Variants in GATA6 observed in about 807,000 individuals in gnomAD.
GATA6 encodes the protein GATA binding protein 6.
A neutral mutation model predicts 48.1 loss-of-function variants in GATA6; 11 were observed. The observed-to-expected ratio is 0.23, with a 90% CI of 0.14 to 0.38. The LOEUF (loss-of-function observed/expected upper bound fraction) is 0.38. Ranked by LOEUF, GATA6 falls within the 10% of genes least tolerant of loss-of-function variation. The pLI is 1.00. For missense variants in GATA6, 795 were observed against 850.3 expected (o/e 0.93, Z 0.81); for synonymous variants, 419 against 396.1 (o/e 1.06, Z -0.69).
In GATA6 at chr18:22,185,775, G is replaced by C. The variant is rs963363292; in HGVS notation, c.1620+2732G>C. Among the ~76,000 whole-genome samples, 49 of 152,314 alleles carry C rather than the reference G, an allele frequency of 3.2e-4. No individual in the cohort carries two copies. Among genetic ancestry groups the C allele is most frequent in the African/African-American group, 1.1e-3 (46 of 41,582 alleles). ...TGTCCCCAGGTTGTTTTCATGGCGT[G>C]CCTGCGTATAACTGTGGATCCCTTC... On this transcript the variant is annotated intron_variant, in intron 6 of 6. Coordinates refer to ENST00000269216, the MANE Select transcript of GATA6 (RefSeq NM_005257.6). This position sits in a 1 kb window ranked among gnomAD's most constrained non-coding sequence, Gnocchi z 4.3.
intron 6 of GATA6, among the ~76,000 whole-genome samples, chr18:22,188,733 C>T (rs1005425519): frequency 6.6e-6 from 1 of 152,154 alleles, no homozygotes; most frequent in African/African-American, 2.4e-5. Flanking sequence ...CATGCTCCTG[C>T]TTGTCAAGTT....
chr18:22,176,758 T>C (rs749765226), intron 2 of GATA6, 197 bp from the exon 3 acceptor site: 8 of 606,898 alleles, frequency 1.3e-5, no homozygotes, highest in Non-Finnish European at 2.2e-5. Context: ...GCAGAAGTAT[T>C]GGACAAATGG....
intron 6 of GATA6, among the ~76,000 whole-genome samples, chr18:22,195,340 CCTCGACT>C (rs2033377447): frequency 6.6e-6 from 1 of 152,128 alleles, no homozygotes; most frequent in Non-Finnish European, 1.5e-5. Context: ...CCTGTTAGTG[CCTCGACT>C]CTGGTTCCCT....
At chr18:22,199,930 AATC>A (rs2033436305) in intron 6 of GATA6, among the ~76,000 whole-genome samples, 2 of 151,732 alleles carry the variant, frequency 1.3e-5, no homozygotes, top group Admixed American at 1.3e-4. Context: ...AAAAGAAAGA[AATC>A]ATTGCCATGA....
At position 22,175,043 on chromosome 18, in the gene GATA6, C is replaced by T. The variant is rs1012428604; in HGVS notation, c.1136-1912C>T. 9.2e-5 allele frequency among the ~76,000 whole-genome samples: 14 copies of T among 152,192 alleles called. 1 individual carries two copies. The highest frequency in any genetic ancestry group is 6.2e-4 in the South Asian group (3 of 4,810). ...CTGAATCTATCACTCCCCAAGGGCA[C>T]CGCAAACAGCCATGTTAGGAGAGAA... On this transcript the variant is annotated intron_variant, in intron 2 of 6. Transcript: ENST00000269216.
intron 3 of GATA6, among the ~76,000 whole-genome samples, chr18:22,178,246 T>C (rs1392309593): frequency 6.6e-6 from 1 of 152,162 alleles, no homozygotes; most frequent in Non-Finnish European, 1.5e-5. Context: ...ATTACAGGCG[T>C]GAGCCACCGC....
Position 22,171,292 on chromosome 18 carries a change from G to T in GATA6, c.148G>T (p.Gly50Ter), listed in dbSNP as rs746782842. The T allele has an allele frequency of 6.3e-7, 1 of 1,593,366 alleles. No homozygotes were observed. Among genetic ancestry groups the T allele is most frequent in the South Asian group, 1.1e-5 (1 of 90,700 alleles). The change falls in exon 2 of 7, where the codon GGA becomes TGA. Residue 50 changes from glycine (G) to a stop codon, truncating the protein, a stop_gained. Transcript: ENST00000269216. LOFTEE classifies it high-confidence loss of function. The surrounding 1 kb of genome is among the most constrained non-coding windows in gnomAD (Gnocchi z 7.1). ...CTCGTCCTCCTCCTGCTCCCGGGGC[G>T]GAGAGCGGGGCCCCGGCGGCGCCAG... ...SSSSSSCSRG[G>*]ERGPGGASNC...
intron 6 of GATA6, among the ~76,000 whole-genome samples, chr18:22,186,479 C>G (rs543694365): frequency 1.3e-5 from 2 of 152,200 alleles, no homozygotes; most frequent in African/African-American, 4.8e-5. Flanking sequence ...TCCCAGCAGG[C>G]TTATTGTAAG....
intron 3 of GATA6, among the ~76,000 whole-genome samples, chr18:22,180,705 C>T (rs545668901): frequency 1.9e-4 from 28 of 150,934 alleles, no homozygotes; most frequent in Non-Finnish European, 3.7e-4. Context: ...AAACTTTTAC[C>T]CCTCTTCTGA....
chr18:22,179,207 A>G (rs973175970), intron 3 of GATA6, among the ~76,000 whole-genome samples: 12 of 152,226 alleles, frequency 7.9e-5, no homozygotes, highest in African/African-American at 2.9e-4. Context: ...GTCACTATCA[A>G]TTAGGTCTCC....
rs764615856 is a variant in GATA6, at chr18:22,171,269, C to A, written c.125C>A (p.Ser42Ter). Reference protein sequence around the residue: ...PSTPPSPISSSSSSCSRGGER... With the variant: ...PSTPPSPISS ...ACGCCGCCTTCCCCCATCTCTTCCT[C>A]GTCCTCCTCCTGCTCCCGGGGCGGA... The change falls in exon 2 of 7, where the codon TCG becomes TAG. Residue 42 changes from serine (S) to a stop codon, truncating the protein, a stop_gained. Coordinates refer to ENST00000269216, the MANE Select transcript of GATA6 (RefSeq NM_005257.6). LOFTEE classifies it high-confidence loss of function. The surrounding 1 kb of genome is among the most constrained non-coding windows in gnomAD (Gnocchi z 7.1). The A allele has an allele frequency of 6.3e-7, 1 of 1,596,728 alleles. No homozygotes were observed. Among genetic ancestry groups the A allele is most frequent in the Non-Finnish European group, 8.5e-7 (1 of 1,177,808 alleles).
rs1362278238 is a variant in GATA6 at position 22,177,133 on chromosome 18, C to T, written c.1302+12C>T. ...CGCAGAAGCGCGTGGTGAGTGTGAC[C>T]CGCCCTGCCCCTGGCTCGCGGCCGG... is the stretch of plus-strand genomic sequence containing the variant. On this transcript the variant is annotated intron_variant, in intron 3 of 6. Coordinates refer to ENST00000269216, the MANE Select transcript of GATA6 (RefSeq NM_005257.6). The T allele has an allele frequency of 3.2e-6, 5 of 1,541,580 alleles. No individual in the cohort carries two copies. The highest frequency in any genetic ancestry group is 5.0e-5 in the East Asian group (2 of 40,206).
At chr18:22,182,910 T>C (rs2143304014) in intron 5 of GATA6, 30 bp from the exon 6 acceptor site, 3 of 1,603,668 alleles carry the variant, frequency 1.9e-6, no homozygotes, top group South Asian at 2.2e-5. Context: ...AGCATATGTA[T>C]ATTTATAAGG....
intron 6 of GATA6, among the ~76,000 whole-genome samples, chr18:22,184,788 C>T (rs987957280): frequency 3.3e-5 from 5 of 152,046 alleles, no homozygotes; most frequent in Admixed American, 1.3e-4. Flanking sequence ...CATGAGTCAC[C>T]GCGCCTGGCC....
rs148404066 is a variant in GATA6 at position 22,172,863 on chromosome 18, C to G, written c.1135+584C>G. Among the ~76,000 whole-genome samples the G allele has an allele frequency of 3.2e-4, 48 of 152,336 alleles. No individual in the cohort carries two copies. The highest frequency in any genetic ancestry group is 6.0e-4 in the Non-Finnish European group (41 of 68,036). On this transcript the variant is annotated intron_variant, in intron 2 of 6. Transcript: ENST00000269216. The surrounding 1 kb of genome is among the most constrained non-coding windows in gnomAD (Gnocchi z 5.2). ...CTAGGGAAGCTAGTTGGCGTCTCCT[C>G]TCCCACAAGGGAGAGAGGGAAAGAA...
rs1485492960 is a variant in GATA6, at chr18:22,201,820, A to G, written c.*997A>G. Reference sequence around the variant, plus strand: ...TTACTACCTAACGGATAGCATTTGTAAATACTCTAGGTATCTGTAAACACT... The same window carrying G: ...TTACTACCTAACGGATAGCATTTGTGAATACTCTAGGTATCTGTAAACACT... On this transcript the variant is annotated 3_prime_UTR_variant, in exon 7 of 7. Coordinates refer to ENST00000269216, the MANE Select transcript of GATA6 (RefSeq NM_005257.6). 2 of 152,686 alleles carry G rather than the reference A, an allele frequency of 1.3e-5. No individual in the cohort carries two copies. Among genetic ancestry groups the G allele is most frequent in the Admixed American group, 6.5e-5 (1 of 15,284 alleles). The allele number at this position is 152,686 out of a possible 1,614,324, so 9.5% of individuals were successfully genotyped here. A position where few individuals can be genotyped will look rare whatever the true frequency, so the allele number is the denominator to read the frequency against.
intron 3 of GATA6, among the ~76,000 whole-genome samples, chr18:22,180,909 G>A (rs914353209): frequency 6.6e-6 from 1 of 151,914 alleles, no homozygotes; most frequent in Admixed American, 6.6e-5. Context: ...TCTTAGACCT[G>A]TGACTATAGT....
At chr18:22,180,314 A>G (rs1427893837) in intron 3 of GATA6, 1 of 152,166 alleles carries the variant, frequency 6.6e-6, no homozygotes. Flanking sequence ...AACGAGTTTT[A>G]TATTTTGCCA....
rs749567667 is a variant in GATA6, at chr18:22,200,792, C to T, written c.1757C>T (p.Pro586Leu). Residue 586 changes from proline (P) to leucine (L), a missense_variant, in exon 7 of 7, where the codon CCG (proline) becomes CTG (leucine). Physicochemically the swap from Pro to Leu is moderately conservative, Grantham distance 98. Transcript: ENST00000269216. Reference protein sequence around the residue: ...SPAEVTSSVRPDSWCALALA With the variant: ...SPAEVTSSVRLDSWCALALA ...GCCGAAGTCACGTCCTCCGTGCGAC[C>T]GGATTCCTGGTGCGCCCTGGCCCTG... 19 of 1,612,788 alleles carry T rather than the reference C, an allele frequency of 1.2e-5. No individual in the cohort carries two copies. In the East Asian group the frequency reaches 2.7e-4, roughly 23 times the overall value.
Sources: gnomAD v4.1 joint callset for allele counts (sites outside exome capture counted in the v4.1 genomes callset) on GRCh38, gnomAD v4.1.1 for gene constraint, Gnocchi (gnomAD v3.1) non-coding constraint, MANE v1.5 for transcripts, NCBI Gene and HGNC (gene_info 2026-07-23, HGNC 2026-07-21) for gene names.